ADGRG3: variants seen among roughly 807,000 people sequenced by gnomAD.
ADGRG3 encodes the protein adhesion G protein-coupled receptor G3.
Under a neutral mutation model 54.3 loss-of-function variants are expected in ADGRG3, and 39 were observed. The observed-to-expected ratio is 0.72, with a 90% CI of 0.56 to 0.94. The LOEUF (loss-of-function observed/expected upper bound fraction) is 0.94. ADGRG3 is among the 40% of genes least tolerant of loss of function. The pLI is 0.00. For missense variants in ADGRG3, 654 were observed against 694.6 expected (o/e 0.94, Z 0.66); for synonymous variants, 312 against 290.0 (o/e 1.08, Z -0.77).
Position 57,676,287 on chromosome 16 carries a change from C to G in ADGRG3, c.294C>G (p.Asn98Lys). The change falls in exon 3 of 12, where the codon AAC becomes AAG. Residue 98 changes from asparagine to lysine, a missense_variant. Asn to Lys is a moderately conservative substitution (Grantham distance 94, BLOSUM62 0). Coordinates refer to ENST00000333493, the MANE Select transcript of ADGRG3 (RefSeq NM_170776.5). ...NTPFLKALVQNLSTNTAEDFY... is the reference protein window; with the variant it reads ...NTPFLKALVQKLSTNTAEDFY... ...CTTTCCTGAAGGCTTTGGTCCAGAA[C>G]CTCAGCACCAACACTGCAGAAGACT... The G allele has an allele frequency of 6.2e-7, 1 of 1,614,106 alleles. No homozygotes were observed. The highest frequency in any genetic ancestry group is 1.1e-5 in the South Asian group (1 of 91,088).
chr16:57,672,584 G>T (rs557576906), intron 1 of ADGRG3, among the ~76,000 whole-genome samples: 1 of 152,272 alleles, frequency 6.6e-6, no homozygotes, highest in South Asian at 2.1e-4. Context: ...TTGAGCCTCA[G>T]GTTGTTTAAG....
Position 57,684,398 on chromosome 16 carries a change from G to A in ADGRG3, c.1171G>A (p.Ala391Thr), listed in dbSNP as rs746345577. The A allele has an allele frequency of 8.7e-6, 14 of 1,613,426 alleles. No individual in the cohort carries two copies. Among genetic ancestry groups the A allele is most frequent in the South Asian group, 4.4e-5 (4 of 91,084 alleles). The change falls in exon 10 of 12, where the codon GCC (alanine) becomes ACC (threonine). Residue 391 changes from alanine (A) to threonine (T), a missense_variant. Coordinates refer to ENST00000333493, the MANE Select transcript of ADGRG3 (RefSeq NM_170776.5). Reference sequence around the variant, plus strand: ...TTTCCCCTTGTGCCCAGGCCTGCCCGCCCTGATGGTCATCGGCACTGGGAG... The same window carrying A: ...TTTCCCCTTGTGCCCAGGCCTGCCCACCCTGATGGTCATCGGCACTGGGAG... ...KLSLVGWGLP[A>T]LMVIGTGSAN... is the part of the protein sequence containing the mutation.
At chr16:57,673,680 C>T (rs149353779) in intron 2 of ADGRG3, among the ~76,000 whole-genome samples, 45 of 152,300 alleles carry the variant, frequency 3.0e-4, no homozygotes, top group African/African-American at 1.1e-3. Context: ...GATGAATCCA[C>T]TCCTATCCTG....
At chr16:57,670,544 C>A (rs2048135999) in intron 1 of ADGRG3, among the ~76,000 whole-genome samples, 1 of 152,072 alleles carries the variant, frequency 6.6e-6, no homozygotes, top group South Asian at 2.1e-4. Flanking sequence ...TCTTCCCTCT[C>A]CCTGTTTCTG....
At chr16:57,674,624 C>T (rs2048223950) in intron 2 of ADGRG3, 1 of 452,944 alleles carries the variant, frequency 2.2e-6, no homozygotes. Context: ...CAGAGCTGTT[C>T]AGAGGCTCCT....
chr16:57,683,895 G>T (rs763647404), intron 8 of ADGRG3, 37 bp from the exon 9 acceptor site: 1 of 1,513,070 alleles, frequency 6.6e-7, no homozygotes, highest in Non-Finnish European at 8.8e-7. Context: ...CCCCATGGGA[G>T]CTGTGGCCCC....
At chr16:57,672,607 G>A (rs2048182893) in intron 1 of ADGRG3, among the ~76,000 whole-genome samples, 1 of 152,166 alleles carries the variant, frequency 6.6e-6, no homozygotes, top group South Asian at 2.1e-4. Flanking sequence ...ACTTGCCTCA[G>A]GACATACAGT....
At chr16:57,688,062 T>A (rs1262408154) in intron 11 of ADGRG3, among the ~76,000 whole-genome samples, 1 of 152,060 alleles carries the variant, frequency 6.6e-6, no homozygotes, top group Non-Finnish European at 1.5e-5. Context: ...ATAGAGGGAG[T>A]GATGGTTGTT....
At chr16:57,679,923 G>T (rs1274886395) in intron 6 of ADGRG3, 68 bp downstream of exon 6, 21 of 1,303,574 alleles carry the variant, frequency 1.6e-5, no homozygotes, top group Non-Finnish European at 2.2e-5. Flanking sequence ...TGTGGGGCGG[G>T]GCTAGCTCCA....
At chr16:57,672,194 A>AG (rs369913819) in intron 1 of ADGRG3, among the ~76,000 whole-genome samples, 1 of 151,894 alleles carries the variant, frequency 6.6e-6, no homozygotes, top group Non-Finnish European at 1.5e-5. Flanking sequence ...GAAAAAAAAA[A>AG]GATATATTGT....
chr16:57,677,551 C>G (rs1194160983), intron 3 of ADGRG3, among the ~76,000 whole-genome samples: 4 of 152,164 alleles, frequency 2.6e-5, no homozygotes, highest in Admixed American at 2.6e-4. Context: ...CATTGCACTC[C>G]AGCCTGGGCA....
chr16:57,682,130 G>A (rs530904715), intron 8 of ADGRG3, among the ~76,000 whole-genome samples: 2 of 152,346 alleles, frequency 1.3e-5, no homozygotes, highest in Non-Finnish European at 2.9e-5. Flanking sequence ...AGGGAAACCT[G>A]GGGCTGTGTC....
At position 57,688,928 on chromosome 16, in the gene ADGRG3, T is replaced by G; in HGVS notation, c.*467T>G. The stretch of plus-strand genomic sequence containing the variant: ...CCAGCGTTCCCTCAGGCACTGGGGG[T>G]TTGTTTTGGGGGGTGGGAGTTGATC... On this transcript the variant is annotated 3_prime_UTR_variant, in exon 12 of 12. Coordinates refer to ENST00000333493, the MANE Select transcript of ADGRG3 (RefSeq NM_170776.5). 1 of 160,568 alleles carries G rather than the reference T, an allele frequency of 6.2e-6. No homozygotes were observed. Among genetic ancestry groups the G allele is most frequent in the Non-Finnish European group, 1.4e-5 (1 of 72,548 alleles). 9.9% of individuals were successfully genotyped at this position (160,568 alleles called of 1,614,324 possible).
At position 57,684,136 on chromosome 16, in the gene ADGRG3, C is replaced by T; in HGVS notation, c.1086C>T (p.His362=). 6.2e-7 allele frequency: 1 copy of T among 1,614,082 alleles called. No homozygotes were observed. The highest frequency in any genetic ancestry group is 1.7e-5 in the Admixed American group (1 of 60,014). ...CCTGGATGGGCCTTGAAGCCTTCCA[C>T]CTCTACCTGCTCGCTGTCAGGGTCT... The part of the protein sequence containing the change: ...AFTWMGLEAF[H]LYLLAVRVFN... The change falls in exon 9 of 12, where the codon CAC becomes CAT. Residue 362 remains histidine, a synonymous_variant. Coordinates refer to ENST00000333493, the MANE Select transcript of ADGRG3 (RefSeq NM_170776.5).
At position 57,673,952 on chromosome 16, in the gene ADGRG3, G is replaced by A. The variant is rs112116068; in HGVS notation, c.206+484G>A. ...TTTGAACTGTAACAATGTAAACCGC[G>A]TGGGGATGGAAGAGACAATGGGCAG... is the stretch of plus-strand genomic sequence containing the variant. On this transcript the variant is annotated intron_variant, in intron 2 of 11. Transcript: ENST00000333493. Among the ~76,000 whole-genome samples, 1,511 of 152,272 alleles carry A rather than the reference G, an allele frequency of 9.9e-3. 25 individuals carry two copies. The highest frequency in any genetic ancestry group is 0.035 in the African/African-American group (1,435 of 41,538).
rs750172806 is a variant in ADGRG3, at chr16:57,676,321, T to C, written c.328T>C (p.Ser110Pro). Residue 110 changes from serine (S) to proline (P), a missense_variant, in exon 3 of 12, where the codon TCT becomes CCT. By Grantham distance (74) the Ser-to-Pro change is moderately conservative. Coordinates refer to ENST00000333493, the MANE Select transcript of ADGRG3 (RefSeq NM_170776.5). ...CAACACTGCAGAAGACTTCTATTTCTCTCTGGAGCCCTCTCAGGTGAAGAG... is the reference window on the plus strand; with the variant it reads ...CAACACTGCAGAAGACTTCTATTTCCCTCTGGAGCCCTCTCAGGTGAAGAG... ...STNTAEDFYFSLEPSQVPRQV... is the reference protein window; with the variant it reads ...STNTAEDFYFPLEPSQVPRQV... The C allele has an allele frequency of 1.9e-6, 3 of 1,614,020 alleles. No homozygotes were observed. In the South Asian group the frequency reaches 3.3e-5, roughly 18 times the overall value.
At chr16:57,677,658 T>C (rs1156530181) in intron 3 of ADGRG3, among the ~76,000 whole-genome samples, 1 of 149,082 alleles carries the variant, frequency 6.7e-6, no homozygotes, top group African/African-American at 2.6e-5. Flanking sequence ...TTTGAAAATG[T>C]GTTGTTGTTG....
chr16:57,668,021 C>T (rs543988772), upstream of ADGRG3, among the ~76,000 whole-genome samples: 4 of 152,340 alleles, frequency 2.6e-5, no homozygotes, highest in African/African-American at 7.2e-5. Flanking sequence ...CCCAGGGATC[C>T]GCTCTGAGCC....
chr16:57,682,923 A>G (rs1329922061), intron 8 of ADGRG3, among the ~76,000 whole-genome samples: 1 of 152,164 alleles, frequency 6.6e-6, no homozygotes. Flanking sequence ...TGGTCCCACC[A>G]CTGTTAGGCC....
Sources: gnomAD v4.1 joint callset for allele counts (sites outside exome capture counted in the v4.1 genomes callset) on GRCh38, gnomAD v4.1.1 for gene constraint, MANE v1.5 for transcripts, NCBI Gene and HGNC (gene_info 2026-07-23, HGNC 2026-07-21) for gene names.